Variants in FAM110B observed in about 807,000 individuals in gnomAD.
FAM110B encodes family with sequence similarity 110 member B.
FAM110B carries 6 observed loss-of-function variants against 20.4 expected under a neutral mutation model. That is an observed-to-expected ratio of 0.29 (90% CI 0.16 to 0.58). FAM110B has a LOEUF of 0.58. Ranked by LOEUF, FAM110B falls within the 20% of genes least tolerant of loss-of-function variation. The probability of loss-of-function intolerance (pLI) is 0.90; values close to 1 mark genes in which losing one functional copy is unlikely to be tolerated. For synonymous variants in FAM110B, 226 were observed against 214.1 expected, an observed-to-expected ratio of 1.06 and a Z score of -0.49; for missense variants, 434 against 498.2, an observed-to-expected ratio of 0.87 and a Z score of 1.23.
intron 3 of FAM110B, among the ~76,000 whole-genome samples, chr8:58,130,727 T>C (rs1026335281): frequency 3.9e-5 from 5 of 129,718 alleles, no homozygotes; most frequent in African/African-American, 2.3e-4. Context: ...AATTCTTAGC[T>C]GTTTTCTCCT....
Position 58,074,272 on chromosome 8 carries a change from C to T in FAM110B, c.-413-1263C>T, listed in dbSNP as rs143254709. ...CCCCCTGTAAGTAGCTATTCTCCAA[C>T]GCTCTGGCCTTCATCAGCTTGCCTG... is the stretch of plus-strand genomic sequence containing the variant. On this transcript the variant is annotated intron_variant, in intron 2 of 3. Transcript: ENST00000519262. 5.1e-3 allele frequency among the ~76,000 whole-genome samples: 783 copies of T among 152,256 alleles called. 8 individuals carry two copies. Among genetic ancestry groups the T allele is most frequent in the African/African-American group, 0.017 (707 of 41,546 alleles).
intron 1 of FAM110B, among the ~76,000 whole-genome samples, chr8:58,018,099 G>A (rs1177096024): frequency 1.3e-5 from 2 of 151,756 alleles, no homozygotes; most frequent in Non-Finnish European, 2.9e-5. Context: ...TTAGTTAATT[G>A]TTGTTTTTAA....
At chr8:58,078,836 C>T (rs557600198) in intron 3 of FAM110B, among the ~76,000 whole-genome samples, 185 of 152,222 alleles carry the variant, frequency 1.2e-3, no homozygotes, top group African/African-American at 4.3e-3. Flanking sequence ...AGGTGTGAGC[C>T]ACCGCGCCCG....
chr8:58,102,999 T>A (rs1806817440), intron 3 of FAM110B, among the ~76,000 whole-genome samples: 2 of 94,760 alleles, frequency 2.1e-5, no homozygotes, highest in Non-Finnish European at 2.1e-5. Context: ...CAATGCTTGT[T>A]ATGAAAAAAA....
Position 58,065,540 on chromosome 8 carries a change from C to T in FAM110B, c.-413-9995C>T, listed in dbSNP as rs187269126. ...CTTCTGCAACAGAATTCATAGCTCT[C>T]ATTAAACAATAATATCTATTTATGA... On this transcript the variant is annotated intron_variant, in intron 2 of 3. Transcript: ENST00000519262. Among the ~76,000 whole-genome samples, 25 of 152,192 alleles carry T rather than the reference C, an allele frequency of 1.6e-4. 1 individual carries two copies. The highest frequency in any genetic ancestry group is 1.5e-3 in the Admixed American group (23 of 15,292).
At chr8:58,008,301 T>A (rs573074388) in intron 1 of FAM110B, among the ~76,000 whole-genome samples, 1 of 152,030 alleles carries the variant, frequency 6.6e-6, no homozygotes, top group African/African-American at 2.4e-5. Flanking sequence ...CCCGGCTAAT[T>A]TTTGTATTTT....
intron 1 of FAM110B, among the ~76,000 whole-genome samples, chr8:58,014,795 T>G (rs1375483855): frequency 1.3e-5 from 2 of 149,808 alleles, no homozygotes; most frequent in East Asian, 3.9e-4. Flanking sequence ...ATTTTGGACA[T>G]CTGGAAGCAA....
At chr8:58,072,983 C>T (rs1478317828) in intron 2 of FAM110B, among the ~76,000 whole-genome samples, 1 of 152,206 alleles carries the variant, frequency 6.6e-6, no homozygotes, top group African/African-American at 2.4e-5. Context: ...CACTTGGCAT[C>T]TGTCATAATC....
chr8:58,030,885 C>T (rs530102284), intron 1 of FAM110B, among the ~76,000 whole-genome samples: 2 of 152,144 alleles, frequency 1.3e-5, no homozygotes, highest in African/African-American at 2.4e-5. Context: ...CCAAGTGCAG[C>T]GAAAGCAGAA....
chr8:58,003,920 C>G (rs184029467), intron 1 of FAM110B, among the ~76,000 whole-genome samples: 4 of 152,118 alleles, frequency 2.6e-5, no homozygotes, highest in South Asian at 2.1e-4. Context: ...TCTTTTGAAG[C>G]TTTGAAGCCA....
chr8:58,067,073 C>G (rs910121458), intron 2 of FAM110B, among the ~76,000 whole-genome samples: 1 of 152,174 alleles, frequency 6.6e-6, no homozygotes, highest in Non-Finnish European at 1.5e-5. Flanking sequence ...TACCTGGAAC[C>G]CTGGCTTTCA....
intron 3 of FAM110B, among the ~76,000 whole-genome samples, chr8:58,118,083 A>G (rs1185394779): frequency 6.6e-6 from 1 of 152,200 alleles, no homozygotes; most frequent in Non-Finnish European, 1.5e-5. Context: ...CATTAGCTTT[A>G]TGTTTAGCTT....
intron 3 of FAM110B, among the ~76,000 whole-genome samples, chr8:58,085,917 GA>G (rs1270682561): frequency 6.6e-6 from 1 of 152,194 alleles, no homozygotes; most frequent in East Asian, 1.9e-4. Context: ...TTATCAATGG[GA>G]AAGTATGATT....
chr8:58,088,340 A>C (rs1323557549), intron 3 of FAM110B, among the ~76,000 whole-genome samples: 1 of 152,162 alleles, frequency 6.6e-6, no homozygotes, highest in Non-Finnish European at 1.5e-5. Flanking sequence ...TACTGACTTG[A>C]TGAATTCCCA....
chr8:58,075,066 A>G (rs1229514882), intron 2 of FAM110B, among the ~76,000 whole-genome samples: 1 of 151,952 alleles, frequency 6.6e-6, no homozygotes, highest in Non-Finnish European at 1.5e-5. Flanking sequence ...TGGTGTACTG[A>G]CATGTTTGCT....
At chr8:58,073,202 A>G (rs1055110438) in intron 2 of FAM110B, among the ~76,000 whole-genome samples, 1 of 152,248 alleles carries the variant, frequency 6.6e-6, no homozygotes, top group Admixed American at 6.5e-5. Flanking sequence ...TAGAAGGCAC[A>G]GTCCCTTCCT....
chr8:58,012,178 T>C (rs977144744), intron 1 of FAM110B, among the ~76,000 whole-genome samples: 7 of 152,222 alleles, frequency 4.6e-5, no homozygotes, highest in African/African-American at 1.7e-4. Context: ...AAATTCTGAC[T>C]AGTTTCTTCT....
chr8:58,136,302 G>A (rs1201277999), intron 3 of FAM110B, among the ~76,000 whole-genome samples: 3 of 152,052 alleles, frequency 2.0e-5, no homozygotes, highest in Non-Finnish European at 4.4e-5. Context: ...GAGCCACCGT[G>A]CCCCGGCCCA....
chr8:58,098,414 G>A (rs181903383), intron 3 of FAM110B, among the ~76,000 whole-genome samples: 7 of 152,308 alleles, frequency 4.6e-5, no homozygotes, highest in Middle Eastern at 3.4e-3. Context: ...CGAGTGTCCC[G>A]GGTGGACTTC....
Sources: gnomAD v4.1 joint callset for allele counts (sites outside exome capture counted in the v4.1 genomes callset) on GRCh38, gnomAD v4.1.1 for gene constraint, MANE v1.5 for transcripts, NCBI Gene and HGNC (gene_info 2026-07-23, HGNC 2026-07-21) for gene names.